The following MAGI2 variants were observed in gnomAD, a reference collection of about 807,000 sequenced individuals.
MAGI2 encodes membrane-associated guanylate kinase, WW and PDZ domain-containing protein 2.
MAGI2 carries 35 observed loss-of-function variants against 133.3 expected under a neutral mutation model. The ratio of observed to expected loss-of-function variants is 0.26; its 90% CI spans 0.20 to 0.35. The LOEUF (loss-of-function observed/expected upper bound fraction) is 0.35, where lower values mean the gene tolerates loss of function less well. Among genes scored for constraint, MAGI2 ranks in the 10% least tolerant of loss-of-function variants. The pLI is 1.00. For missense variants in MAGI2, 1,636 were observed against 1,863.4 expected, an observed-to-expected ratio of 0.88 and a Z score of 2.25; for synonymous variants, 729 against 710.6, an observed-to-expected ratio of 1.03 and a Z score of -0.41.
At chr7:78,297,053 A>G (rs1797323104) in intron 9 of MAGI2, among the ~76,000 whole-genome samples, 1 of 152,242 alleles carries the variant, frequency 6.6e-6, no homozygotes, top group South Asian at 2.1e-4. Context: ...GGCTTACAGC[A>G]AATTTCTGAT....
chr7:78,234,221 C>G (rs1409233659), intron 10 of MAGI2, among the ~76,000 whole-genome samples: 1 of 152,126 alleles, frequency 6.6e-6, no homozygotes, highest in Non-Finnish European at 1.5e-5. Flanking sequence ...AAATTGTATT[C>G]CAGATTTTTA....
intron 2 of MAGI2, among the ~76,000 whole-genome samples, chr7:78,676,364 C>A (rs1182842361): frequency 6.6e-6 from 1 of 152,096 alleles, no homozygotes. Flanking sequence ...ACACTGTTTT[C>A]TTGGCGATTC....
intron 6 of MAGI2, among the ~76,000 whole-genome samples, chr7:78,412,028 A>G (rs1797913894): frequency 1.3e-5 from 2 of 152,016 alleles, no homozygotes; most frequent in African/African-American, 4.8e-5. Context: ...TTAAGTGGAG[A>G]TAGGTAATTG....
chr7:78,240,632 G>T (rs1791037993), intron 10 of MAGI2, among the ~76,000 whole-genome samples: 1 of 152,104 alleles, frequency 6.6e-6, no homozygotes, highest in South Asian at 2.1e-4. Flanking sequence ...CCAGAGGCTG[G>T]GATGGTTGTG....
At chr7:79,032,948 G>A (rs566313199) in intron 1 of MAGI2, among the ~76,000 whole-genome samples, 1 of 152,016 alleles carries the variant, frequency 6.6e-6, no homozygotes, top group South Asian at 2.1e-4. Context: ...TTATTTTCCC[G>A]TGATGAAGAA....
rs192830955 is a variant in MAGI2 at position 78,963,709 on chromosome 7, T to G, written c.418+43381A>C. ...CTTAATGCAAGACGCTCCATATATATATATTCTCCTTTTTTTTCCTTAAAA... is the reference window on the plus strand; with the variant it reads ...CTTAATGCAAGACGCTCCATATATAGATATTCTCCTTTTTTTTCCTTAAAA... On this transcript the variant is annotated intron_variant, in intron 2 of 21. Coordinates refer to ENST00000354212, the MANE Select transcript of MAGI2 (RefSeq NM_012301.4). Among the ~76,000 whole-genome samples the G allele has an allele frequency of 3.0e-4, 46 of 151,994 alleles. No individual in the cohort carries two copies. The East Asian group carries it at 7.0e-3, about 23-fold the overall frequency.
intron 1 of MAGI2, among the ~76,000 whole-genome samples, chr7:79,020,176 G>T (rs1325074690): frequency 6.6e-6 from 1 of 152,138 alleles, no homozygotes; most frequent in African/African-American, 2.4e-5. Context: ...CCAGCAAAGA[G>T]ATTGGAGGCA....
At chr7:78,998,710 G>T (rs1407677620) in intron 2 of MAGI2, among the ~76,000 whole-genome samples, 2 of 152,100 alleles carry the variant, frequency 1.3e-5, no homozygotes, top group Non-Finnish European at 2.9e-5. Context: ...ATCAGAAATT[G>T]ATCACCCTAA....
intron 1 of MAGI2, among the ~76,000 whole-genome samples, chr7:79,010,246 T>TGTAC (rs1362791182): frequency 6.6e-6 from 1 of 151,584 alleles, no homozygotes; most frequent in Admixed American, 6.6e-5. Flanking sequence ...TATGTATGTA[T>TGTAC]GTGTGATACA....
At position 78,073,973 on chromosome 7, in the gene MAGI2, C is replaced by G. The variant is rs1815001067; in HGVS notation, c.3706+4974G>C. On this transcript the variant is annotated intron_variant, in intron 21 of 21. Transcript: ENST00000354212. ...AGTTTACAATCAACAAATTCTTATC[C>G]TGAGGACTGGAGTGGAGTTGAAGTA... 1.3e-5 allele frequency among the ~76,000 whole-genome samples: 2 copies of G among 152,152 alleles called. 1 individual carries two copies. The highest frequency in any genetic ancestry group is 4.1e-4 in the South Asian group (2 of 4,830).
chr7:79,019,148 C>T (rs145361444), intron 1 of MAGI2, among the ~76,000 whole-genome samples: 275 of 152,236 alleles, frequency 1.8e-3, no homozygotes, highest in African/African-American at 6.2e-3. Context: ...GGGCATAAAA[C>T]AACACTCAGC....
intron 2 of MAGI2, among the ~76,000 whole-genome samples, chr7:78,671,665 G>A (rs949209394): frequency 3.3e-5 from 5 of 152,086 alleles, no homozygotes; most frequent in African/African-American, 9.7e-5. Context: ...ACTTGGCACT[G>A]CATAAAGAAA....
At chr7:79,363,107 G>A (rs1842464231) in intron 1 of MAGI2, among the ~76,000 whole-genome samples, 5 of 151,474 alleles carry the variant, frequency 3.3e-5, no homozygotes, top group Admixed American at 3.3e-4. Flanking sequence ...AGGTTCAAGG[G>A]TACAAGGTCG....
intron 1 of MAGI2, among the ~76,000 whole-genome samples, chr7:79,403,721 A>C (rs1424074808): frequency 6.6e-6 from 1 of 152,198 alleles, no homozygotes; most frequent in East Asian, 1.9e-4. Flanking sequence ...TCTTACATTT[A>C]ATCTAGTCAA....
intron 16 of MAGI2, among the ~76,000 whole-genome samples, chr7:78,144,903 T>C (rs770137542): frequency 6.6e-6 from 1 of 152,062 alleles, no homozygotes; most frequent in African/African-American, 2.4e-5. Flanking sequence ...CCCCATGTGC[T>C]CTGGTGTGTG....
intron 3 of MAGI2, among the ~76,000 whole-genome samples, chr7:78,526,053 G>C (rs1359496976): frequency 6.6e-6 from 1 of 152,178 alleles, no homozygotes; most frequent in Non-Finnish European, 1.5e-5. Flanking sequence ...ATGCAGTTAA[G>C]AAAATAGAGA....
chr7:79,169,373 C>T (rs1825296017), intron 1 of MAGI2, among the ~76,000 whole-genome samples: 1 of 152,040 alleles, frequency 6.6e-6, no homozygotes, highest in Non-Finnish European at 1.5e-5. Context: ...CCAAAATTAC[C>T]AACCATATGG....
At chr7:78,754,460 T>C (rs954745768) in intron 2 of MAGI2, among the ~76,000 whole-genome samples, 1 of 152,098 alleles carries the variant, frequency 6.6e-6, no homozygotes, top group African/African-American at 2.4e-5. Context: ...GTAAAACAAA[T>C]TACGCTTTAA....
intron 5 of MAGI2, among the ~76,000 whole-genome samples, chr7:78,494,173 G>A (rs1440820481): frequency 6.6e-6 from 1 of 151,878 alleles, no homozygotes; most frequent in Non-Finnish European, 1.5e-5. Flanking sequence ...TGTAGAGATG[G>A]GGTCAAATTC....
Sources: allele counts gnomAD v4.1 joint callset (sites outside exome capture counted in the v4.1 genomes callset), GRCh38; gene constraint gnomAD v4.1.1; transcripts MANE v1.5; gene names NCBI Gene and HGNC (gene_info 2026-07-23, HGNC 2026-07-21).